BBS5: variants seen among roughly 807,000 people sequenced by gnomAD.
BBS5 encodes Bardet-Biedl syndrome 5.
A neutral mutation model predicts 50.2 loss-of-function variants in BBS5; 39 were observed. The observed-to-expected ratio is 0.78, with a 90% CI of 0.60 to 1.01. The LOEUF (loss-of-function observed/expected upper bound fraction) is 1.01, where lower values mean the gene tolerates loss of function less well. Ranked by LOEUF, BBS5 falls within the 50% of genes least tolerant of loss-of-function variation. The pLI, the probability that BBS5 is intolerant of heterozygous loss-of-function variation, is 0.00. For synonymous variants in BBS5, 134 were observed against 133.1 expected (o/e 1.01, Z -0.05); for missense variants, 356 against 401.5 (o/e 0.89, Z 0.97).
At chr2:169,481,930 TTG>T (rs1226017287) in intron 1 of BBS5, among the ~76,000 whole-genome samples, 1 of 152,222 alleles carries the variant, frequency 6.6e-6, no homozygotes, top group African/African-American at 2.4e-5. Flanking sequence ...CTTTCCAAGC[TTG>T]GCCAGCCTTC....
At chr2:169,492,734 GAAAT>G (rs1683621765) in intron 5 of BBS5, 136 bp from the exon 6 acceptor site, 3 of 834,790 alleles carry the variant, frequency 3.6e-6, no homozygotes, top group Non-Finnish European at 5.4e-6. Context: ...TTTTTAAAAA[GAAAT>G]AAAAATATTA....
At position 169,479,664 on chromosome 2, in the gene BBS5, G is replaced by A. The variant is rs190828546; in HGVS notation, c.59+52G>A. 3,795 of 1,600,170 alleles carry A rather than the reference G, an allele frequency of 2.4e-3. 10 individuals carry two copies. Among genetic ancestry groups the A allele is most frequent in the Non-Finnish European group, 3.0e-3 (3,481 of 1,168,610 alleles). ...CTTCAACCCTGTAGAGGGCGCCGCC[G>A]TGCGCGTTAGGGACCCGCGGGCGGA... On this transcript the variant is annotated intron_variant, in intron 1 of 11. Transcript: ENST00000295240.
Position 169,503,197 on chromosome 2 carries a change from A to G in BBS5, c.900+19A>G, listed in dbSNP as rs1310972710. 3.2e-6 allele frequency: 5 copies of G among 1,575,292 alleles called. No individual in the cohort carries two copies. The highest frequency in any genetic ancestry group is 4.4e-6 in the Non-Finnish European group (5 of 1,145,732). The stretch of plus-strand genomic sequence containing the variant: ...TTTTGTGGTGAGCATCACAAAGGAC[A>G]GCATTAAATTTCTTAAGGATTTTAT... On this transcript the variant is annotated intron_variant, in intron 10 of 11. Transcript: ENST00000295240.
chr2:169,482,140 T>C, intron 1 of BBS5, 111 bp from the exon 2 acceptor site: 1 of 771,442 alleles, frequency 1.3e-6, no homozygotes, highest in Non-Finnish European at 2.3e-6. Flanking sequence ...TTTGGTACAG[T>C]ATTATTTATG....
chr2:169,492,824 G>T, intron 5 of BBS5, 50 bp from the exon 6 acceptor site: 1 of 1,551,652 alleles, frequency 6.4e-7, no homozygotes, highest in South Asian at 1.2e-5. Context: ...CATAACCCAA[G>T]AAAATCACAT....
chr2:169,491,485 T>C (rs1351257442), intron 5 of BBS5, among the ~76,000 whole-genome samples: 11 of 152,244 alleles, frequency 7.2e-5, no homozygotes, highest in African/African-American at 2.4e-4. Context: ...TCTGTTGTTA[T>C]TAAGGCTAAG....
chr2:169,489,937 T>A (rs1683562768), intron 5 of BBS5, among the ~76,000 whole-genome samples: 1 of 133,180 alleles, frequency 7.5e-6, no homozygotes, highest in Admixed American at 8.1e-5. Context: ...GTGCAGCTGC[T>A]ATCTCAGCTC....
intron 2 of BBS5, 69 bp downstream of exon 2, chr2:169,482,402 A>G (rs1683413488): frequency 1.0e-6 from 1 of 998,414 alleles, no homozygotes; most frequent in Non-Finnish European, 1.6e-6. Flanking sequence ...TATTAGCTAG[A>G]GAATATATGA....
intron 9 of BBS5, among the ~76,000 whole-genome samples, chr2:169,500,039 GCACGGC>G (rs572400624): frequency 8.9e-4 from 135 of 152,278 alleles, no homozygotes; most frequent in Middle Eastern, 3.4e-3. Context: ...GGCTACATCA[GCACGGC>G]CTGCATCCAT....
Position 169,499,632 on chromosome 2 carries a change from A to G in BBS5, c.816+12A>G, listed in dbSNP as rs764194396. On this transcript the variant is annotated intron_variant, in intron 9 of 11. Transcript: ENST00000295240. ...AGATGGAAGAAAAGGTAATTTGTTG[A>G]GTATGTGAAATAAAGTTTGCATTGC... is the stretch of plus-strand genomic sequence containing the variant. 18 of 1,613,270 alleles carry G rather than the reference A, an allele frequency of 1.1e-5. No individual in the cohort carries two copies. The African/African-American group carries it at 2.1e-4, about 19-fold the overall frequency.
At chr2:169,493,206 C>T in intron 6 of BBS5, 197 bp downstream of exon 6, 1 of 629,004 alleles carries the variant, frequency 1.6e-6, no homozygotes. Context: ...TCTGATAATC[C>T]TGGAATGTCT....
At chr2:169,499,742 T>G (rs749092815) in intron 9 of BBS5, 122 bp downstream of exon 9, 4 of 1,056,278 alleles carry the variant, frequency 3.8e-6, no homozygotes, top group Non-Finnish European at 5.8e-6. Context: ...AATATACAGA[T>G]TCTGCTCAAG....
chr2:169,487,623 G>A, intron 3 of BBS5, 183 bp from the exon 4 acceptor site: 1 of 469,248 alleles, frequency 2.1e-6, no homozygotes, highest in Non-Finnish European at 3.7e-6. Flanking sequence ...AGACAGAATT[G>A]ACCCTCTAGT....
At chr2:169,486,170 C>T (rs932758478) in intron 2 of BBS5, among the ~76,000 whole-genome samples, 1 of 152,148 alleles carries the variant, frequency 6.6e-6, no homozygotes, top group African/African-American at 2.4e-5. Context: ...CTCCAGTATT[C>T]GTACAGACCT....
At position 169,504,535 on chromosome 2, in the gene BBS5, T is replaced by C. The variant is rs371959839; in HGVS notation, c.979T>C (p.Leu327=). The change falls in exon 12 of 12, where the codon TTG becomes CTG. Residue 327 remains leucine, a synonymous_variant. Coordinates refer to ENST00000295240, the MANE Select transcript of BBS5 (RefSeq NM_152384.3). The part of the protein sequence containing the change: ...SEELGLAIEK[L]KDGFTLQGLW... The stretch of plus-strand genomic sequence containing the variant: ...AGAACTGGGGCTTGCAATAGAGAAA[T>C]TGAAGGATGGATTCACCCTACAGGG... The C allele has an allele frequency of 1.4e-5, 23 of 1,613,960 alleles. No individual in the cohort carries two copies. The highest frequency in any genetic ancestry group is 1.1e-4 in the East Asian group (5 of 44,882).
rs763784832 is a variant in BBS5 at position 169,488,015 on chromosome 2, A to G, written c.287A>G (p.Tyr96Cys). 6 of 1,613,716 alleles carry G rather than the reference A, an allele frequency of 3.7e-6. No homozygotes were observed. Among genetic ancestry groups the G allele is most frequent in the Non-Finnish European group, 5.1e-6 (6 of 1,179,808 alleles). Reference sequence around the variant, plus strand: ...TTACGAGGCCAAACTGAAGCTCTCTATATACTAACAAAATGTAACAGTACT... The same window carrying G: ...TTACGAGGCCAAACTGAAGCTCTCTGTATACTAACAAAATGTAACAGTACT... ...SKLRGQTEAL[Y>C]ILTKCNSTRF... Residue 96 changes from tyrosine to cysteine, a missense_variant, in exon 5 of 12, where the codon TAT (tyrosine) becomes TGT (cysteine). Tyr to Cys is a radical substitution (Grantham distance 194). Coordinates refer to ENST00000295240, the MANE Select transcript of BBS5 (RefSeq NM_152384.3).
At chr2:169,498,476 T>C (rs1199563931) in intron 8 of BBS5, among the ~76,000 whole-genome samples, 1 of 152,138 alleles carries the variant, frequency 6.6e-6, no homozygotes, top group Admixed American at 6.5e-5. Flanking sequence ...TATCTTATTT[T>C]ATATGACAAC....
At chr2:169,493,713 T>A in intron 6 of BBS5, 28 bp from the exon 7 acceptor site, 1 of 1,451,216 alleles carries the variant, frequency 6.9e-7, no homozygotes, top group Non-Finnish European at 9.7e-7. Context: ...AAATGATCAT[T>A]TCGGTATCTC....
chr2:169,503,184 C>A lies in BBS5; in HGVS notation c.900+6C>A. The A allele has an allele frequency of 6.2e-7, 1 of 1,600,528 alleles. No individual in the cohort carries two copies. Among genetic ancestry groups the A allele is most frequent in the Non-Finnish European group, 8.6e-7 (1 of 1,168,006 alleles). On this transcript the variant is annotated splice_donor_region_variant and intron_variant, in intron 10 of 11. Transcript: ENST00000295240. ...GTCACACGGATGCTTTTGTGGTGAG[C>A]ATCACAAAGGACAGCATTAAATTTC...
Sources: gnomAD v4.1 joint callset for allele counts (sites outside exome capture counted in the v4.1 genomes callset) on GRCh38, gnomAD v4.1.1 for gene constraint, MANE v1.5 for transcripts, NCBI Gene and HGNC (gene_info 2026-07-23, HGNC 2026-07-21) for gene names.